Variants in ALK observed in about 807,000 individuals in gnomAD.
ALK encodes ALK receptor tyrosine kinase, also known as ALK tyrosine kinase receptor.
In ALK, 74 loss-of-function variants were observed where a neutral mutation model predicts 163.1. That is an observed-to-expected ratio of 0.45 (90% CI 0.38 to 0.55). The LOEUF (loss-of-function observed/expected upper bound fraction) is 0.55. Ranked by LOEUF, ALK falls within the 20% of genes least tolerant of loss-of-function variation. The probability of loss-of-function intolerance (pLI) is 0.00; values close to 1 mark genes in which losing one functional copy is unlikely to be tolerated. For missense variants in ALK, 2,063 were observed against 2,105.3 expected (o/e 0.98, Z 0.39); for synonymous variants, 960 against 843.2 (o/e 1.14, Z -2.40).
intron 3 of ALK, among the ~76,000 whole-genome samples, chr2:29,568,796 C>T (rs1674268846): frequency 1.3e-5 from 2 of 152,146 alleles, no homozygotes; most frequent in Admixed American, 1.3e-4. Flanking sequence ...TATAAAGATG[C>T]TGTGTGTTGC....
chr2:29,682,525 G>T (rs1325851312), intron 3 of ALK, among the ~76,000 whole-genome samples: 1 of 152,132 alleles, frequency 6.6e-6, no homozygotes, highest in Non-Finnish European at 1.5e-5. Context: ...TACCACTATA[G>T]AATGAATTCC....
intron 3 of ALK, among the ~76,000 whole-genome samples, chr2:29,549,237 AATCAC>A (rs1558379571): frequency 1.1e-4 from 17 of 152,034 alleles, no homozygotes; most frequent in Admixed American, 3.9e-4. Context: ...TCTTACTGTG[AATCAC>A]AGTTTTAAAA....
chr2:29,784,644 G>A (rs1035141239), intron 1 of ALK, among the ~76,000 whole-genome samples: 10 of 152,060 alleles, frequency 6.6e-5, no homozygotes, highest in African/African-American at 1.9e-4. Context: ...GCAGTGAACC[G>A]AGATCATACC....
chr2:29,541,606 G>T (rs765411141), intron 3 of ALK, among the ~76,000 whole-genome samples: 2 of 152,184 alleles, frequency 1.3e-5, no homozygotes, highest in Non-Finnish European at 2.9e-5. Flanking sequence ...TGTGAAACTT[G>T]TTAAGGCTTC....
At chr2:29,464,123 G>C (rs959829614) in intron 4 of ALK, among the ~76,000 whole-genome samples, 1 of 152,124 alleles carries the variant, frequency 6.6e-6, no homozygotes, top group South Asian at 2.1e-4. Context: ...GCAAAATTCA[G>C]CCTTGATGAT....
intron 5 of ALK, among the ~76,000 whole-genome samples, chr2:29,335,303 C>T (rs1667577954): frequency 6.6e-6 from 1 of 152,176 alleles, no homozygotes; most frequent in East Asian, 1.9e-4. Flanking sequence ...GCACTTCCCC[C>T]AGACTAACAA....
chr2:29,678,778 A>G (rs377413077), intron 3 of ALK, among the ~76,000 whole-genome samples: 1 of 151,792 alleles, frequency 6.6e-6, no homozygotes, highest in East Asian at 1.9e-4. Context: ...TTTTATATAA[A>G]TTAATGACTT....
intron 1 of ALK, among the ~76,000 whole-genome samples, chr2:29,810,416 C>T (rs1664727425): frequency 6.8e-6 from 1 of 146,142 alleles, no homozygotes; most frequent in African/African-American, 2.6e-5. Context: ...GAGCAAAACT[C>T]CATCTCAAAA....
intron 4 of ALK, among the ~76,000 whole-genome samples, chr2:29,517,687 A>C (rs1055374118): frequency 5.9e-5 from 9 of 152,342 alleles, no homozygotes; most frequent in African/African-American, 2.2e-4. Flanking sequence ...TTATCTCATC[A>C]AATCACCACA....
At chr2:29,324,107 T>C (rs563493871) in intron 6 of ALK, among the ~76,000 whole-genome samples, 1 of 152,330 alleles carries the variant, frequency 6.6e-6, no homozygotes, top group African/African-American at 2.4e-5. Flanking sequence ...CTTCTTGGGC[T>C]GTAGCCAGTT....
chr2:29,348,041 T>G lies in ALK; in HGVS notation c.1283-19560A>C, dbSNP rs1003165493. On this transcript the variant is annotated intron_variant, in intron 5 of 28. Coordinates refer to ENST00000389048, the MANE Select transcript of ALK (RefSeq NM_004304.5). ...GCTGTAGGGGTTTGCTGTGTCTTATTAAAACCTTTCCCATCAACTTGATAC... is the reference window on the plus strand; with the variant it reads ...GCTGTAGGGGTTTGCTGTGTCTTATGAAAACCTTTCCCATCAACTTGATAC... Among the ~76,000 whole-genome samples the G allele has an allele frequency of 3.3e-5, 5 of 152,216 alleles. No individual in the cohort carries two copies. The East Asian group carries it at 5.8e-4, about 18-fold the overall frequency.
chr2:29,867,075 T>C lies in ALK; in HGVS notation c.667+52918A>G, dbSNP rs142021855. On this transcript the variant is annotated intron_variant, in intron 1 of 28. Transcript: ENST00000389048. Reference sequence around the variant, plus strand: ...TCTGGGGTGGGTGGAAGGATTAATATATTTACATAAAGAAAGCCTCCAGCC... The same window carrying C: ...TCTGGGGTGGGTGGAAGGATTAATACATTTACATAAAGAAAGCCTCCAGCC... Among the ~76,000 whole-genome samples, 12 of 152,326 alleles carry C rather than the reference T, an allele frequency of 7.9e-5. No individual in the cohort carries two copies. In the East Asian group the frequency reaches 2.3e-3, roughly 29 times the overall value.
chr2:29,286,561 CA>C, intron 9 of ALK: 1 of 152,168 alleles, frequency 6.6e-6, no homozygotes, highest in South Asian at 2.1e-4. Flanking sequence ...AATGTTCATC[CA>C]AGTTTGGAAA....
chr2:29,398,712 A>C (rs1464761448), intron 4 of ALK, among the ~76,000 whole-genome samples: 1 of 152,076 alleles, frequency 6.6e-6, no homozygotes, highest in Non-Finnish European at 1.5e-5. Context: ...CCCAGTTTCC[A>C]GCATTCTCCG....
At chr2:29,908,244 T>C (rs1667602234) in intron 1 of ALK, among the ~76,000 whole-genome samples, 1 of 151,890 alleles carries the variant, frequency 6.6e-6, no homozygotes, top group Admixed American at 6.6e-5. Context: ...CCTAGCACCT[T>C]AGAGCTCTCT....
At chr2:29,458,097 GT>G (rs757897829) in intron 4 of ALK, among the ~76,000 whole-genome samples, 15 of 152,256 alleles carry the variant, frequency 9.9e-5, no homozygotes, top group Non-Finnish European at 1.9e-4. Context: ...CTATAATCGT[GT>G]TTAACATGTG....
At chr2:29,877,019 C>T (rs915617521) in intron 1 of ALK, among the ~76,000 whole-genome samples, 4 of 152,090 alleles carry the variant, frequency 2.6e-5, no homozygotes, top group African/African-American at 9.7e-5. Flanking sequence ...AAAATCAGAC[C>T]CTCCAAACTG....
At chr2:29,674,536 T>C (rs1449606678) in intron 3 of ALK, among the ~76,000 whole-genome samples, 1 of 150,300 alleles carries the variant, frequency 6.7e-6, no homozygotes, top group African/African-American at 2.5e-5. Context: ...CATTTGATCA[T>C]GGTGGATAAG....
Position 29,693,267 on chromosome 2 carries a change from T to A in ALK, c.952+1583A>T, listed in dbSNP as rs771280395. On this transcript the variant is annotated intron_variant, in intron 3 of 28. Transcript: ENST00000389048. The stretch of plus-strand genomic sequence containing the variant: ...ATCCACTTTTTGCTAAATTTCCTAG[T>A]AGAAATGTAAAATACACAGACACGT... 3.9e-5 allele frequency among the ~76,000 whole-genome samples: 6 copies of A among 152,264 alleles called. No individual in the cohort carries two copies. In the East Asian group the frequency reaches 9.7e-4, roughly 25 times the overall value.
Sources: allele counts gnomAD v4.1 joint callset (sites outside exome capture counted in the v4.1 genomes callset), GRCh38; gene constraint gnomAD v4.1.1; transcripts MANE v1.5; gene names NCBI Gene and HGNC (gene_info 2026-07-23, HGNC 2026-07-21).